Variants in RSPO2 observed in about 807,000 individuals in gnomAD.
RSPO2 encodes R-spondin 2.
Under a neutral mutation model 30.9 loss-of-function variants are expected in RSPO2, and 14 were observed. The ratio of observed to expected loss-of-function variants is 0.45; its 90% CI spans 0.30 to 0.71. The LOEUF is 0.71. RSPO2 is among the 30% of genes least tolerant of loss of function. The pLI is 0.08. For synonymous variants in RSPO2, 107 were observed against 96.4 expected, an observed-to-expected ratio of 1.11 and a Z score of -0.64; for missense variants, 264 against 301.9, an observed-to-expected ratio of 0.87 and a Z score of 0.93.
rs1430730249 is a variant in RSPO2 at position 108,047,259 on chromosome 8, C to T, written c.94+35286G>A. Among the ~76,000 whole-genome samples the T allele has an allele frequency of 3.3e-5, 5 of 152,164 alleles. No individual in the cohort carries two copies. The East Asian group carries it at 9.6e-4, about 29-fold the overall frequency. On this transcript the variant is annotated intron_variant, in intron 2 of 5. Transcript: ENST00000276659. ...TTTAATCATGTAACAGAAGACATTACTCAAAGCTTTCAATCCTGTTACACA... is the reference window on the plus strand; with the variant it reads ...TTTAATCATGTAACAGAAGACATTATTCAAAGCTTTCAATCCTGTTACACA...
chr8:108,017,653 T>C (rs1433204920), intron 2 of RSPO2, among the ~76,000 whole-genome samples: 3 of 152,218 alleles, frequency 2.0e-5, no homozygotes, highest in African/African-American at 7.2e-5. Context: ...GAACAGTTTT[T>C]CATTACAGGT....
chr8:108,032,591 T>TTCCCCCCCTACCAACCAAAA (rs1811458199), intron 2 of RSPO2, among the ~76,000 whole-genome samples: 1 of 152,126 alleles, frequency 6.6e-6, no homozygotes, highest in Admixed American at 6.6e-5. Flanking sequence ...ACCAACCTAC[T>TTCCCCCCCTACCAACCAAAA]GTCTCTTTTC....
chr8:108,055,208 C>T (rs527814670), intron 2 of RSPO2, among the ~76,000 whole-genome samples: 5 of 151,996 alleles, frequency 3.3e-5, no homozygotes, highest in East Asian at 1.9e-4. Context: ...GTGAAAAACA[C>T]GAGTAAAGAG....
intron 5 of RSPO2, among the ~76,000 whole-genome samples, chr8:107,920,505 T>C (rs1264827077): frequency 6.6e-6 from 1 of 152,116 alleles, no homozygotes; most frequent in Non-Finnish European, 1.5e-5. Flanking sequence ...AATATTTGGA[T>C]CATATGCCAC....
intron 3 of RSPO2, chr8:107,983,455 C>G: frequency 2.5e-6 from 4 of 1,597,916 alleles, no homozygotes; most frequent in Non-Finnish European, 3.4e-6. Flanking sequence ...GGGCCAGAGT[C>G]CCCTTTCTCA....
chr8:108,030,975 A>T (rs1157210669), intron 2 of RSPO2, among the ~76,000 whole-genome samples: 1 of 152,156 alleles, frequency 6.6e-6, no homozygotes, highest in Non-Finnish European at 1.5e-5. Flanking sequence ...GCCACTGATG[A>T]TTATACTACT....
At chr8:107,932,248 A>T (rs752560423) in intron 5 of RSPO2, among the ~76,000 whole-genome samples, 4 of 152,204 alleles carry the variant, frequency 2.6e-5, no homozygotes, top group Admixed American at 2.6e-4. Flanking sequence ...GAAGAAGCCA[A>T]CAAGTTGTGA....
chr8:107,935,426 C>T (rs978377770), intron 5 of RSPO2, among the ~76,000 whole-genome samples: 3 of 151,936 alleles, frequency 2.0e-5, no homozygotes, highest in Admixed American at 2.0e-4. Flanking sequence ...AATTCTTATC[C>T]TCCTGGGAGG....
At chr8:108,056,759 G>A (rs1272871738) in intron 2 of RSPO2, among the ~76,000 whole-genome samples, 1 of 150,938 alleles carries the variant, frequency 6.6e-6, no homozygotes, top group Non-Finnish European at 1.5e-5. Flanking sequence ...TGATTCCTAA[G>A]ATAAAAAAGA....
intron 5 of RSPO2, among the ~76,000 whole-genome samples, chr8:107,951,815 C>A (rs1168442389): frequency 7.2e-5 from 11 of 152,040 alleles, no homozygotes; most frequent in African/African-American, 2.7e-4. Flanking sequence ...CATGTCCACC[C>A]CCTCATCCTC....
At chr8:108,043,703 C>T (rs1159313) in intron 2 of RSPO2, among the ~76,000 whole-genome samples, 8,908 of 151,892 alleles carry the variant, frequency 0.059, 764 homozygotes, top group African/African-American at 0.19. Context: ...CCCATGGCAA[C>T]TTGGCTGAAC....
intron 5 of RSPO2, among the ~76,000 whole-genome samples, chr8:107,921,973 G>C: frequency 6.6e-6 from 1 of 152,268 alleles, no homozygotes; most frequent in Admixed American, 6.5e-5. Flanking sequence ...AGCCATCTAT[G>C]ACAAATCCAC....
At chr8:107,975,467 C>T (rs1234686656) in intron 3 of RSPO2, among the ~76,000 whole-genome samples, 7 of 152,222 alleles carry the variant, frequency 4.6e-5, no homozygotes, top group Non-Finnish European at 1.0e-4. Flanking sequence ...CGCCTCAGTT[C>T]ACTTGCCTCT....
At chr8:108,042,578 T>C (rs1302411347) in intron 2 of RSPO2, among the ~76,000 whole-genome samples, 1 of 152,016 alleles carries the variant, frequency 6.6e-6, no homozygotes, top group Admixed American at 6.6e-5. Flanking sequence ...ATGAACTAGC[T>C]GTAAAAAAAA....
chr8:107,937,402 T>C (rs1812753656), intron 5 of RSPO2, among the ~76,000 whole-genome samples: 1 of 152,072 alleles, frequency 6.6e-6, no homozygotes, highest in South Asian at 2.1e-4. Context: ...ACTTGTAACA[T>C]ATTGTGAAGT....
chr8:108,013,852 G>C (rs1303410202), intron 2 of RSPO2, among the ~76,000 whole-genome samples: 1 of 152,136 alleles, frequency 6.6e-6, no homozygotes, highest in African/African-American at 2.4e-5. Flanking sequence ...TGACAAATGG[G>C]ATCTAATAAA....
chr8:107,900,341 A>AG lies in RSPO2; in HGVS notation c.*733_*734insC. On this transcript the variant is annotated 3_prime_UTR_variant, in exon 6 of 6. Coordinates refer to ENST00000276659, the MANE Select transcript of RSPO2 (RefSeq NM_178565.5). ...TGAGAAATAAGCCCACAATGAGGGGAAAAAAAAAAAGTTTCAAGAGGCAAC... is the reference window on the plus strand; with the variant it reads ...TGAGAAATAAGCCCACAATGAGGGGAGAAAAAAAAAAGTTTCAAGAGGCAAC... The AG allele has an allele frequency of 6.8e-6, 1 of 147,766 alleles. No individual in the cohort carries two copies. The highest frequency in any genetic ancestry group is 1.5e-5 in the Non-Finnish European group (1 of 66,574). The allele number at this position is 147,766 out of a possible 1,614,324, so 9.2% of individuals were successfully genotyped here. A position where few individuals can be genotyped will look rare whatever the true frequency, so the allele number is the denominator to read the frequency against.
At chr8:107,974,323 CA>C (rs747026899) in intron 3 of RSPO2, among the ~76,000 whole-genome samples, 2,442 of 83,458 alleles carry the variant, frequency 0.029, 18 homozygotes, top group Non-Finnish European at 0.037. Context: ...TTCATCTCTA[CA>C]AAAAAAAAAA....
rs373717164 is a variant in RSPO2 at position 107,987,544 on chromosome 8, G to A, written c.283+1512C>T. Among the ~76,000 whole-genome samples the A allele has an allele frequency of 9.2e-5, 14 of 152,304 alleles. No individual in the cohort carries two copies. In the East Asian group the frequency reaches 2.7e-3, roughly 29 times the overall value. ...AGTGTTTAAAAATGTTTGGGGACAT[G>A]TTTGCTTATAACAGTAGTGAAGACA... On this transcript the variant is annotated intron_variant, in intron 3 of 5. Coordinates refer to ENST00000276659, the MANE Select transcript of RSPO2 (RefSeq NM_178565.5).
Sources: gnomAD v4.1 joint callset for allele counts (sites outside exome capture counted in the v4.1 genomes callset) on GRCh38, gnomAD v4.1.1 for gene constraint, MANE v1.5 for transcripts, NCBI Gene and HGNC (gene_info 2026-07-23, HGNC 2026-07-21) for gene names.